The following CEP57L1 variants were observed in gnomAD, a reference collection of about 807,000 sequenced individuals.
CEP57L1 encodes centrosomal protein 57 like 1, also known as centrosomal protein CEP57L1.
CEP57L1 carries 37 observed loss-of-function variants against 61.0 expected under a neutral mutation model. The observed-to-expected ratio is 0.61, with a 90% CI of 0.47 to 0.80. The LOEUF (loss-of-function observed/expected upper bound fraction) is 0.80, where lower values mean the gene tolerates loss of function less well. CEP57L1 is among the 30% of genes least tolerant of loss of function. The pLI, the probability that CEP57L1 is intolerant of heterozygous loss-of-function variation, is 0.00. For synonymous variants in CEP57L1, 137 were observed against 162.3 expected (o/e 0.84, Z 1.19); for missense variants, 422 against 524.7 (o/e 0.80, Z 1.91).
intron 3 of CEP57L1, among the ~76,000 whole-genome samples, chr6:109,148,084 TTGAC>T (rs1313860225): frequency 1.3e-5 from 2 of 152,158 alleles, no homozygotes; most frequent in Admixed American, 6.5e-5. Context: ...AATCAGGTAA[TTGAC>T]TGGTTATTAT....
At position 109,146,814 on chromosome 6, in the gene CEP57L1, A is replaced by C. The variant is rs2114872336; in HGVS notation, c.217A>C (p.Arg73=). ...AAAAATTCATCGTTTAGAGCTGGAGAGAACACAAGCTGAAGATAACCTGAA... is the reference window on the plus strand; with the variant it reads ...AAAAATTCATCGTTTAGAGCTGGAGCGAACACAAGCTGAAGATAACCTGAA... The part of the protein sequence containing the change: ...QEKIHRLELE[R]TQAEDNLNIL... Residue 73 remains arginine, a synonymous_variant, in exon 3 of 11, where the codon AGA becomes CGA. Transcript: ENST00000517392. 1.9e-6 allele frequency: 3 copies of C among 1,609,680 alleles called. No homozygotes were observed. The highest frequency in any genetic ancestry group is 1.7e-4 in the Middle Eastern group (1 of 6,044).
At chr6:109,096,298 T>A (rs1703047704) in intron 1 of CEP57L1, among the ~76,000 whole-genome samples, 1 of 152,194 alleles carries the variant, frequency 6.6e-6, no homozygotes, top group Non-Finnish European at 1.5e-5. Flanking sequence ...GCACTGAGTA[T>A]ACAACAATGA....
At position 109,143,083 on chromosome 6, in the gene CEP57L1, A is replaced by C. The variant is rs572599314; in HGVS notation, c.-3-2136A>C. ...TCTGACTCCCCCTCCATTGTCATGT[A>C]ACATCTTACACAAAGCAGGGAAGCT... is the stretch of plus-strand genomic sequence containing the variant. On this transcript the variant is annotated intron_variant, in intron 1 of 10. Coordinates refer to ENST00000517392, the MANE Select transcript of CEP57L1 (RefSeq NM_001271852.3). 3.3e-5 allele frequency among the ~76,000 whole-genome samples: 5 copies of C among 151,842 alleles called. No homozygotes were observed. In the South Asian group the frequency reaches 1.0e-3, roughly 32 times the overall value.
intron 1 of CEP57L1, among the ~76,000 whole-genome samples, chr6:109,111,235 C>T (rs992202279): frequency 1.3e-5 from 2 of 152,050 alleles, no homozygotes; most frequent in Non-Finnish European, 2.9e-5. Context: ...TTGAAGAGGT[C>T]GTTTACATCC....
At chr6:109,110,929 C>A (rs1022789566) in intron 1 of CEP57L1, among the ~76,000 whole-genome samples, 2 of 152,148 alleles carry the variant, frequency 1.3e-5, no homozygotes, top group Admixed American at 1.3e-4. Context: ...GTTACTGTAG[C>A]CTTGTAGTAT....
chr6:109,104,486 T>C (rs1770681854), intron 1 of CEP57L1, among the ~76,000 whole-genome samples: 1 of 152,350 alleles, frequency 6.6e-6, no homozygotes, highest in African/African-American at 2.4e-5. Context: ...GTTTTACCAG[T>C]TTACACTCCC....
rs114563031 is a variant in CEP57L1 at position 109,173,734 on chromosome 6, G to A, written c.*10764G>A. On this transcript the variant is annotated 3_prime_UTR_variant, in exon 11 of 11. Coordinates refer to ENST00000517392, the MANE Select transcript of CEP57L1 (RefSeq NM_001271852.3). Reference sequence around the variant, plus strand: ...ATTACAGGCATGAGCCACTGTGCCCGGCAGAATTTTTCTGTGTCCATTAGA... The same window carrying A: ...ATTACAGGCATGAGCCACTGTGCCCAGCAGAATTTTTCTGTGTCCATTAGA... Among the ~76,000 whole-genome samples, 388 of 151,534 alleles carry A rather than the reference G, an allele frequency of 2.6e-3. 1 individual carries two copies. Among genetic ancestry groups the A allele is most frequent in the African/African-American group, 8.8e-3 (363 of 41,304 alleles).
In CEP57L1 at chr6:109,165,796, A is replaced by G; in HGVS notation, c.*2826A>G. On this transcript the variant is annotated 3_prime_UTR_variant, in exon 11 of 11. Coordinates refer to ENST00000517392, the MANE Select transcript of CEP57L1 (RefSeq NM_001271852.3). The stretch of plus-strand genomic sequence containing the variant: ...GACTCCTCAGGGGGTGGAGCAAAAG[A>G]TTTCTTTCCTGGATGGAGCAGTCAG... 1 of 152,312 alleles carries G rather than the reference A, an allele frequency of 6.6e-6. No homozygotes were observed. Among genetic ancestry groups the G allele is most frequent in the Non-Finnish European group, 1.5e-5 (1 of 68,028 alleles). 9.4% of individuals were successfully genotyped at this position (152,312 alleles called of 1,614,324 possible).
In CEP57L1 at chr6:109,169,113, G is replaced by T. The variant is rs1774284484; in HGVS notation, c.*6143G>T. ...TGGTGGTATGTGCCTGTAATCCCGG[G>T]TACTCGGGAGGCTAAGGCCAGAGGA... On this transcript the variant is annotated 3_prime_UTR_variant, in exon 11 of 11. Coordinates refer to ENST00000517392, the MANE Select transcript of CEP57L1 (RefSeq NM_001271852.3). Among the ~76,000 whole-genome samples the T allele has an allele frequency of 6.6e-6, 1 of 150,862 alleles. No homozygotes were observed. Among genetic ancestry groups the T allele is most frequent in the African/African-American group, 2.4e-5 (1 of 41,170 alleles).
At chr6:109,149,948 G>T (rs369409905) in intron 3 of CEP57L1, among the ~76,000 whole-genome samples, 170 bp from the exon 4 acceptor site, 1 of 152,038 alleles carries the variant, frequency 6.6e-6, no homozygotes. Context: ...AAGAATGCTC[G>T]TGATTTTTGT....
chr6:109,095,173 G>A (rs980117378), upstream of CEP57L1: 2 of 985,440 alleles, frequency 2.0e-6, no homozygotes, highest in African/African-American at 1.7e-5. Flanking sequence ...AAGCGCCCCC[G>A]GAGGCGCTAA....
intron 1 of CEP57L1, among the ~76,000 whole-genome samples, chr6:109,131,873 CAG>C (rs1209571003): frequency 6.6e-6 from 1 of 151,990 alleles, no homozygotes; most frequent in Non-Finnish European, 1.5e-5. Flanking sequence ...TTGCATGGGA[CAG>C]AGGAAGTCTG....
chr6:109,097,497 A>G (rs972086302), intron 1 of CEP57L1, among the ~76,000 whole-genome samples: 1 of 152,062 alleles, frequency 6.6e-6, no homozygotes, highest in African/African-American at 2.4e-5. Context: ...CATACAGTCC[A>G]TTTTTCAGTC....
At chr6:109,161,510 G>T (rs115771150) in intron 10 of CEP57L1, among the ~76,000 whole-genome samples, 1 of 151,978 alleles carries the variant, frequency 6.6e-6, no homozygotes, top group African/African-American at 2.4e-5. Context: ...GCCTCCCCGC[G>T]TTTTATAGGA....
chr6:109,128,351 A>G (rs188549275), intron 1 of CEP57L1, among the ~76,000 whole-genome samples: 40 of 152,128 alleles, frequency 2.6e-4, no homozygotes, highest in African/African-American at 9.2e-4. Context: ...CCTCTCTCCT[A>G]TTACATATTT....
At chr6:109,139,928 A>C (rs1196635144) in intron 1 of CEP57L1, among the ~76,000 whole-genome samples, 1 of 152,166 alleles carries the variant, frequency 6.6e-6, no homozygotes, top group Non-Finnish European at 1.5e-5. Context: ...CACCATGCCC[A>C]GGCTGGAATT....
At chr6:109,134,697 TA>T (rs1774618132) in intron 1 of CEP57L1, among the ~76,000 whole-genome samples, 1 of 152,186 alleles carries the variant, frequency 6.6e-6, no homozygotes, top group South Asian at 2.1e-4. Flanking sequence ...CTTAAGCTGA[TA>T]AGCAACTTCA....
chr6:109,133,212 G>A (rs1774398939), intron 1 of CEP57L1, among the ~76,000 whole-genome samples: 1 of 152,104 alleles, frequency 6.6e-6, no homozygotes, highest in Admixed American at 6.5e-5. Context: ...CGGTTTTATG[G>A]AAGACAGTTT....
chr6:109,149,694 A>G (rs1219182244), intron 3 of CEP57L1, among the ~76,000 whole-genome samples: 3 of 152,172 alleles, frequency 2.0e-5, no homozygotes, highest in Non-Finnish European at 2.9e-5. Context: ...CATTGAATCT[A>G]TAAATTACTT....
Sources: allele counts gnomAD v4.1 joint callset (sites outside exome capture counted in the v4.1 genomes callset), GRCh38; gene constraint gnomAD v4.1.1; transcripts MANE v1.5; gene names NCBI Gene and HGNC (gene_info 2026-07-23, HGNC 2026-07-21).